Variants in RS1 observed in about 807,000 individuals in gnomAD.
The protein encoded by RS1 is retinoschisin.
RS1 carries 2 observed loss-of-function variants against 20.8 expected under a neutral mutation model. The observed-to-expected ratio is 0.10, with a 90% confidence interval of 0.04 to 0.30. The LOEUF is 0.30. Among genes scored for constraint, RS1 ranks in the 10% least tolerant of loss-of-function variants. RS1 has a pLI of 1.00. For missense variants in RS1, 151 were observed against 189.8 expected, an observed-to-expected ratio of 0.80 and a Z score of 1.20; for synonymous variants, 70 against 75.8, an observed-to-expected ratio of 0.92 and a Z score of 0.40.
chrX:18,651,264 T>TGTGAGAGAGA (rs1491242962), intron 3 of RS1, among the ~76,000 whole-genome samples: 6 of 69,014 alleles, frequency 8.7e-5, no homozygotes, highest in African/African-American at 3.8e-4. Flanking sequence ...TGTGTGTGTG[T>TGTGAGAGAGA]GAGAGAGAGA....
intron 3 of RS1, chrX:18,647,758 T>TA: frequency 6.2e-6 from 1 of 161,706 alleles, no homozygotes. Flanking sequence ...ACGTCAGGTC[T>TA]CTTGTTGTCC....
At chrX:18,656,800 A>G (rs781205609) in intron 2 of RS1, 42 bp from the exon 3 acceptor site, 1 of 1,086,450 alleles carries the variant, frequency 9.2e-7, no homozygotes, top group Non-Finnish European at 1.3e-6. Context: ...GTCACGGTCA[A>G]AGGCAACTGT....
chrX:18,666,768 G>T (rs1170245383), intron 1 of RS1, among the ~76,000 whole-genome samples: 2 of 110,699 alleles, frequency 1.8e-5, no homozygotes, highest in Non-Finnish European at 3.8e-5. Flanking sequence ...GTGCCCACAG[G>T]ATCTGCGGGC....
chrX:18,646,050 C>T (rs759862340), intron 4 of RS1: 2 of 1,211,926 alleles, frequency 1.7e-6, no homozygotes, highest in East Asian at 5.9e-5. Flanking sequence ...ATTCTGGACC[C>T]CAAGATAGAC....
At chrX:18,667,966 A>C (rs1928431499) in intron 1 of RS1, among the ~76,000 whole-genome samples, 1 of 111,666 alleles carries the variant, frequency 9.0e-6, no homozygotes, top group Admixed American at 9.6e-5. Flanking sequence ...ACAATGATTT[A>C]ATCACCAACA....
At chrX:18,657,516 C>A (rs1306327528) in intron 2 of RS1, 124 bp downstream of exon 2, 1 of 579,371 alleles carries the variant, frequency 1.7e-6, no homozygotes, top group African/African-American at 2.2e-5. Flanking sequence ...AGCCACCATG[C>A]CCAGCCAAAA....
At position 18,640,052 on chromosome X, in the gene RS1, T is replaced by A. The variant is rs1927510995; in HGVS notation, c.*1952A>T. On this transcript the variant is annotated 3_prime_UTR_variant, in exon 6 of 6. Transcript: ENST00000379984. ...ATGGGTGCAGGATTTCTCTTTGGGG[T>A]GATAAACTTTCTAAAATTGATCTAG... The A allele has an allele frequency of 9.0e-6, 1 of 111,310 alleles. No homozygotes were observed. The highest frequency in any genetic ancestry group is 1.9e-5 in the Non-Finnish European group (1 of 53,044). 9.2% of individuals were successfully genotyped at this position (111,310 alleles called of 1,213,427 possible).
chrX:18,644,519 C>T lies in RS1; in HGVS notation c.433G>A (p.Asp145Asn), dbSNP rs184603580. Residue 145 changes from aspartate (D) to asparagine (N), a missense_variant, in exon 5 of 6, where the codon GAT becomes AAT. By Grantham distance (23) the Asp-to-Asn change is conservative. Transcript: ENST00000379984. ...ACGCTGTACTTGGTCATCCACTCAT[C>T]GATGTCACAGCGCCCCTGGGTGAGG... ...GILTQGRCDI[D>N]EWMTKYSVQY... is the part of the protein sequence containing the mutation. 16 of 1,209,543 alleles carry T rather than the reference C, an allele frequency of 1.3e-5. No homozygotes were observed. The highest frequency in any genetic ancestry group is 1.2e-4 in the East Asian group (4 of 33,748).
rs750725714 is a variant in RS1, at chrX:18,650,591, C to T, written c.185-3259G>A. On this transcript the variant is annotated intron_variant, in intron 3 of 5. Transcript: ENST00000379984. The stretch of plus-strand genomic sequence containing the variant: ...CTTTCAGCTGCCCAACCCAGCAATC[C>T]GGTAAGCAGAGACTCTAGACCGGTG... 4 of 1,210,383 alleles carry T rather than the reference C, an allele frequency of 3.3e-6. No individual in the cohort carries two copies. Among genetic ancestry groups the T allele is most frequent in the South Asian group, 1.8e-5 (1 of 56,894 alleles).
intron 1 of RS1, among the ~76,000 whole-genome samples, chrX:18,669,348 G>A (rs938347420): frequency 9.2e-6 from 1 of 108,660 alleles, no homozygotes; most frequent in Non-Finnish European, 1.9e-5. Context: ...AAAATGATCC[G>A]GGCGTGGTGG....
At chrX:18,664,670 C>T (rs182119947) in intron 1 of RS1, among the ~76,000 whole-genome samples, 45 of 111,208 alleles carry the variant, frequency 4.0e-4, no homozygotes, top group Non-Finnish European at 7.0e-4. Flanking sequence ...TCAGACTGTT[C>T]TCCTTTCTCT....
intron 1 of RS1, among the ~76,000 whole-genome samples, chrX:18,658,102 G>A (rs1262102126): frequency 5.4e-5 from 6 of 111,295 alleles, no homozygotes; most frequent in Admixed American, 4.8e-4. Context: ...CCTGGGAGGC[G>A]GAGGTTGCAG....
Position 18,644,442 on chromosome X carries a change from A to G in RS1, c.510T>C (p.Thr170=), listed in dbSNP as rs1473665189. The G allele has an allele frequency of 1.2e-5, 14 of 1,211,475 alleles. 1 individual carries two copies. The East Asian group carries it at 4.1e-4, about 36-fold the overall frequency. The change falls in exon 5 of 6, where the codon ACT becomes ACC. Residue 170 remains threonine, a synonymous_variant. Transcript: ENST00000379984. ...RLNWIYYKDQ[T]GNNRVFYGNS... ...AAGCCCAACTTACCCGGTTGTTTCC[A>G]GTCTGGTCCTTGTAGTAAATCCAGT... is the stretch of plus-strand genomic sequence containing the variant.
At chrX:18,666,268 C>A (rs1213580646) in intron 1 of RS1, among the ~76,000 whole-genome samples, 1 of 111,846 alleles carries the variant, frequency 8.9e-6, no homozygotes, top group East Asian at 2.8e-4. Flanking sequence ...AAGTAGGGAA[C>A]AGGGACTGGT....
chrX:18,660,578 C>G (rs941039394), intron 1 of RS1, among the ~76,000 whole-genome samples: 3 of 111,932 alleles, frequency 2.7e-5, no homozygotes, highest in Non-Finnish European at 5.6e-5. Flanking sequence ...TCCGACTAAA[C>G]CTGAGTGTAA....
intron 1 of RS1, among the ~76,000 whole-genome samples, chrX:18,665,295 G>A (rs965961438): frequency 4.5e-5 from 5 of 112,230 alleles, no homozygotes; most frequent in East Asian, 2.8e-4. Context: ...ACGCTTTGGC[G>A]GGTCCCTGTT....
chrX:18,668,142 T>C (rs934192637), intron 1 of RS1, among the ~76,000 whole-genome samples: 16 of 112,391 alleles, frequency 1.4e-4, no homozygotes, highest in African/African-American at 5.2e-4. Flanking sequence ...ATTTCGATTA[T>C]GTGGTTGCAT....
At chrX:18,655,914 G>T (rs1928203377) in intron 3 of RS1, among the ~76,000 whole-genome samples, 1 of 109,427 alleles carries the variant, frequency 9.1e-6, no homozygotes, top group South Asian at 4.0e-4. Context: ...CATCTTCCTG[G>T]CTCTAGAGCC....
At chrX:18,653,797 G>A (rs780398106) in intron 3 of RS1, among the ~76,000 whole-genome samples, 19 of 109,962 alleles carry the variant, frequency 1.7e-4, no homozygotes, top group African/African-American at 5.0e-4. Context: ...GTGAAACCCC[G>A]TCTCTACTAA....
Sources: allele counts gnomAD v4.1 joint callset (sites outside exome capture counted in the v4.1 genomes callset), GRCh38; gene constraint gnomAD v4.1.1; transcripts MANE v1.5; gene names NCBI Gene and HGNC (gene_info 2026-07-23, HGNC 2026-07-21).